The following STX8 variants were observed in gnomAD, a reference collection of about 807,000 sequenced individuals.
STX8 encodes the protein syntaxin 8.
In STX8, 23 loss-of-function variants were observed where a neutral mutation model predicts 37.5. The ratio of observed to expected loss-of-function variants is 0.61; its 90% CI spans 0.44 to 0.87. STX8 has a LOEUF of 0.87. Among genes scored for constraint, STX8 ranks in the 40% least tolerant of loss-of-function variants. The pLI, the probability that STX8 is intolerant of heterozygous loss-of-function variation, is 0.00. For missense variants in STX8, 313 were observed against 284.7 expected, an observed-to-expected ratio of 1.10 and a Z score of -0.71; for synonymous variants, 115 against 99.1, an observed-to-expected ratio of 1.16 and a Z score of -0.95.
chr17:9,414,433 C>T lies in STX8; in HGVS notation c.542-35780G>A, dbSNP rs1597656650. ...GCCCATTAACAGTATAACTGGATGT[C>T]ATGGCAACACCAAATGTTATAAAAG... On this transcript the variant is annotated intron_variant, in intron 6 of 7. Transcript: ENST00000306357. 2.0e-5 allele frequency among the ~76,000 whole-genome samples: 3 copies of T among 152,228 alleles called. No individual in the cohort carries two copies. In the South Asian group the frequency reaches 6.2e-4, roughly 32 times the overall value.
In STX8 at chr17:9,524,615, T is replaced by C. The variant is rs1905486664; in HGVS notation, c.324-19453A>G. Among the ~76,000 whole-genome samples the C allele has an allele frequency of 2.6e-5, 4 of 152,284 alleles. No homozygotes were observed. In the South Asian group the frequency reaches 6.2e-4, roughly 24 times the overall value. On this transcript the variant is annotated intron_variant, in intron 4 of 7. Coordinates refer to ENST00000306357, the MANE Select transcript of STX8 (RefSeq NM_004853.3). The stretch of plus-strand genomic sequence containing the variant: ...GACCATGGCAAAGGGTGTCAATGAA[T>C]AATGCATACCATTCAAGACATACAA...
intron 4 of STX8, among the ~76,000 whole-genome samples, chr17:9,515,761 C>A (rs972299517): frequency 6.6e-6 from 1 of 152,120 alleles, no homozygotes; most frequent in Non-Finnish European, 1.5e-5. Context: ...AGGGCTCAAA[C>A]AAGCCTCCCA....
chr17:9,361,684 T>C (rs1049455180), intron 7 of STX8, among the ~76,000 whole-genome samples: 1 of 152,232 alleles, frequency 6.6e-6, no homozygotes, highest in African/African-American at 2.4e-5. Flanking sequence ...ACAGTGATTG[T>C]TTCTTGTAAG....
intron 1 of STX8, among the ~76,000 whole-genome samples, chr17:9,570,465 CAT>C (rs1003236834): frequency 2.0e-5 from 3 of 151,800 alleles, no homozygotes; most frequent in African/African-American, 7.3e-5. Context: ...TACATATATT[CAT>C]ATATATCACA....
At chr17:9,511,233 G>A (rs1249496226) in intron 4 of STX8, among the ~76,000 whole-genome samples, 1 of 133,174 alleles carries the variant, frequency 7.5e-6, no homozygotes, top group Non-Finnish European at 1.5e-5. Flanking sequence ...AAATTGAAGT[G>A]AGGGTATTCT....
At chr17:9,311,251 A>G (rs77956279) in intron 7 of STX8, among the ~76,000 whole-genome samples, 1 of 151,980 alleles carries the variant, frequency 6.6e-6, no homozygotes, top group Non-Finnish European at 1.5e-5. Flanking sequence ...AAAAAAAAAA[A>G]AAGAGGAGAA....
intron 7 of STX8, among the ~76,000 whole-genome samples, chr17:9,342,333 C>A (rs1910389140): frequency 6.6e-6 from 1 of 152,152 alleles, no homozygotes; most frequent in Non-Finnish European, 1.5e-5. Context: ...GCTCCAGAGC[C>A]AGGTTGGAGC....
intron 6 of STX8, among the ~76,000 whole-genome samples, chr17:9,479,783 G>C (rs11870224): frequency 1.3e-5 from 2 of 151,830 alleles, no homozygotes; most frequent in Non-Finnish European, 2.9e-5. Context: ...TGGTCACACC[G>C]ACACCACAAG....
intron 7 of STX8, among the ~76,000 whole-genome samples, chr17:9,333,694 T>A (rs1910042060): frequency 1.3e-5 from 2 of 152,210 alleles, no homozygotes; most frequent in African/African-American, 2.4e-5. Flanking sequence ...TGGCCTAAAA[T>A]AACTTATAAT....
chr17:9,331,747 CCT>C (rs1909968148), intron 7 of STX8, among the ~76,000 whole-genome samples: 1 of 152,008 alleles, frequency 6.6e-6, no homozygotes, highest in Non-Finnish European at 1.5e-5. Context: ...CTAAACACGC[CCT>C]GTTTTTCCTC....
At chr17:9,537,671 A>G (rs1906112819) in intron 4 of STX8, among the ~76,000 whole-genome samples, 1 of 152,232 alleles carries the variant, frequency 6.6e-6, no homozygotes, top group Admixed American at 6.5e-5. Flanking sequence ...AGAAAAGTGC[A>G]TGAAGACGCT....
At chr17:9,330,059 T>G (rs1909911776) in intron 7 of STX8, among the ~76,000 whole-genome samples, 1 of 151,382 alleles carries the variant, frequency 6.6e-6, no homozygotes, top group African/African-American at 2.4e-5. Flanking sequence ...CCCTGGGAGG[T>G]CCCGCGGCTT....
At chr17:9,352,509 C>T (rs1450048018) in intron 7 of STX8, among the ~76,000 whole-genome samples, 1 of 144,926 alleles carries the variant, frequency 6.9e-6, no homozygotes, top group Non-Finnish European at 1.5e-5. Context: ...GCTCTGTGGC[C>T]CAGGCGGGAG....
chr17:9,504,691 G>A (rs1471159846), intron 5 of STX8, among the ~76,000 whole-genome samples: 1 of 151,986 alleles, frequency 6.6e-6, no homozygotes, highest in South Asian at 2.1e-4. Flanking sequence ...AGAAAATCTG[G>A]TGGCCGGGCA....
intron 1 of STX8, among the ~76,000 whole-genome samples, chr17:9,571,745 T>C (rs541467121): frequency 1.3e-4 from 19 of 151,760 alleles, no homozygotes; most frequent in African/African-American, 4.6e-4. Flanking sequence ...CAAAACCCCA[T>C]CTCTACTAAA....
chr17:9,441,624 G>A (rs561991478), intron 6 of STX8, among the ~76,000 whole-genome samples: 30 of 150,686 alleles, frequency 2.0e-4, no homozygotes, highest in African/African-American at 5.1e-4. Flanking sequence ...TCCCCAAGGC[G>A]CTGCCCTAAG....
At chr17:9,440,659 G>C (rs1904612869) in intron 6 of STX8, among the ~76,000 whole-genome samples, 1 of 151,966 alleles carries the variant, frequency 6.6e-6, no homozygotes, top group Non-Finnish European at 1.5e-5. Context: ...TGAGTAGCTG[G>C]GATTGCAGGC....
intron 6 of STX8, among the ~76,000 whole-genome samples, chr17:9,481,574 G>T (rs1906346057): frequency 6.6e-6 from 1 of 152,086 alleles, no homozygotes; most frequent in Non-Finnish European, 1.5e-5. Flanking sequence ...TCACCAGGAG[G>T]GTCAAGTGGG....
intron 5 of STX8, 30 bp from the exon 6 acceptor site, chr17:9,491,951 G>C (rs1906870407): frequency 6.6e-7 from 1 of 1,520,048 alleles, no homozygotes; most frequent in Non-Finnish European, 9.0e-7. Flanking sequence ...TAATTAACTA[G>C]AAACTAGAAG....
Sources: allele counts gnomAD v4.1 joint callset (sites outside exome capture counted in the v4.1 genomes callset), GRCh38; gene constraint gnomAD v4.1.1; transcripts MANE v1.5; gene names NCBI Gene and HGNC (gene_info 2026-07-23, HGNC 2026-07-21).